Variants in OSBPL10 observed in about 807,000 individuals in gnomAD.
OSBPL10 encodes oxysterol-binding protein-related protein 10.
A neutral mutation model predicts 81.7 loss-of-function variants in OSBPL10; 49 were observed. The observed-to-expected ratio is 0.60, with a 90% CI of 0.48 to 0.76. The LOEUF (loss-of-function observed/expected upper bound fraction) is 0.76. Ranked by LOEUF, OSBPL10 falls within the 30% of genes least tolerant of loss-of-function variation. The pLI is 0.00. For missense variants in OSBPL10, 923 were observed against 987.8 expected (o/e 0.93, Z 0.88); for synonymous variants, 419 against 383.6 (o/e 1.09, Z -1.08).
intron 1 of OSBPL10, among the ~76,000 whole-genome samples, chr3:31,968,791 AG>A (rs1698476687): frequency 6.6e-6 from 1 of 152,198 alleles, no homozygotes; most frequent in Non-Finnish European, 1.5e-5. Flanking sequence ...CAACTATAAT[AG>A]TGTTATGATG....
At chr3:32,033,569 G>A (rs1413905703) in intron 2 of OSBPL10, among the ~76,000 whole-genome samples, 9 of 152,164 alleles carry the variant, frequency 5.9e-5, no homozygotes, top group Non-Finnish European at 1.5e-5. Flanking sequence ...AGCCACAAGT[G>A]ATATCAACTT....
intron 1 of OSBPL10, among the ~76,000 whole-genome samples, chr3:31,936,398 A>C (rs1441608862): frequency 6.6e-6 from 1 of 152,144 alleles, no homozygotes; most frequent in Admixed American, 6.6e-5. Context: ...TAACAAACAG[A>C]CTCTAGTATT....
intron 7 of OSBPL10, 32 bp downstream of exon 7, chr3:31,702,327 T>C: frequency 6.2e-7 from 1 of 1,609,818 alleles, no homozygotes; most frequent in Non-Finnish European, 8.5e-7. Context: ...CCCCAACAAC[T>C]GACCACAAAT....
intron 2 of OSBPL10, among the ~76,000 whole-genome samples, chr3:31,878,132 A>G (rs776960234): frequency 4.6e-5 from 7 of 152,178 alleles, no homozygotes; most frequent in Non-Finnish European, 8.8e-5. Flanking sequence ...CAGATCATAA[A>G]ACCTCTATAT....
intron 5 of OSBPL10, among the ~76,000 whole-genome samples, chr3:31,746,123 C>T (rs1028675902): frequency 6.6e-6 from 1 of 152,324 alleles, no homozygotes; most frequent in African/African-American, 2.4e-5. Flanking sequence ...TTTATATCTG[C>T]TCATTGATTA....
intron 4 of OSBPL10, among the ~76,000 whole-genome samples, chr3:31,815,147 CCCT>C: frequency 9.1e-5 from 2 of 21,980 alleles, no homozygotes; most frequent in South Asian, 6.6e-3. Flanking sequence ...CAGAGAGATG[CCCT>C]GCCAGCCCCT....
rs568650747 is a variant in OSBPL10, at chr3:31,860,097, T to C, written c.537+16336A>G. 1.3e-4 allele frequency among the ~76,000 whole-genome samples: 20 copies of C among 152,266 alleles called. 1 individual carries two copies. In the South Asian group the frequency reaches 4.2e-3, roughly 32 times the overall value. On this transcript the variant is annotated intron_variant, in intron 3 of 11. Coordinates refer to ENST00000396556, the MANE Select transcript of OSBPL10 (RefSeq NM_017784.5). ...GCACATTGGAACCAGCCCTTCCTGC[T>C]CCCTTACATGAAGTCTGAGTCAATG...
Position 31,823,844 on chromosome 3 carries a change from A to ATGTGTGTG in OSBPL10, c.729+6188_729+6195dup, listed in dbSNP as rs10588069. ...TTTTTAATTTAATTTGTATGTGTGTATGTGTGTGTGTGTGTGTGTGTGTGT... is the reference window on the plus strand; with the variant it reads ...TTTTTAATTTAATTTGTATGTGTGTATGTGTGTGTGTGTGTGTGTGTGTGTGTGTGTGT... On this transcript the variant is annotated intron_variant, in intron 4 of 11. Transcript: ENST00000396556. 4.0e-4 allele frequency among the ~76,000 whole-genome samples: 60 copies of ATGTGTGTG among 148,418 alleles called. 2 individuals carry two copies. The highest frequency in any genetic ancestry group is 9.4e-4 in the African/African-American group (38 of 40,306).
At chr3:31,836,331 T>C (rs780230483) in intron 3 of OSBPL10, among the ~76,000 whole-genome samples, 2 of 152,218 alleles carry the variant, frequency 1.3e-5, no homozygotes, top group Non-Finnish European at 2.9e-5. Context: ...AAAATCGTGG[T>C]TCTTCCAGAG....
intron 1 of OSBPL10, among the ~76,000 whole-genome samples, chr3:31,906,363 A>G (rs578097693): frequency 3.9e-5 from 6 of 152,290 alleles, no homozygotes; most frequent in African/African-American, 1.2e-4. Flanking sequence ...TTCCTTTGAC[A>G]TTATATCACT....
chr3:31,914,075 C>T (rs1211669142), intron 1 of OSBPL10, among the ~76,000 whole-genome samples: 7 of 152,140 alleles, frequency 4.6e-5, no homozygotes, highest in Non-Finnish European at 1.0e-4. Context: ...CACCCGCCAC[C>T]ACACCAGGCT....
intron 3 of OSBPL10, among the ~76,000 whole-genome samples, chr3:31,833,705 G>GCACACGCACACA (rs1553631715): frequency 2.2e-5 from 3 of 137,962 alleles, no homozygotes; most frequent in East Asian, 4.4e-4. Flanking sequence ...ACACGCACAC[G>GCACACGCACACA]CACACACACA....
At chr3:32,069,519 C>T (rs1270706518) in intron 1 of OSBPL10, among the ~76,000 whole-genome samples, 1 of 152,236 alleles carries the variant, frequency 6.6e-6, no homozygotes, top group African/African-American at 2.4e-5. Context: ...CAGCCCAGTT[C>T]ATGGCCCGCT....
intron 1 of OSBPL10, among the ~76,000 whole-genome samples, chr3:31,920,707 C>A (rs1016951791): frequency 6.6e-6 from 1 of 152,028 alleles, no homozygotes; most frequent in Non-Finnish European, 1.5e-5. Context: ...GTGCCTGGGT[C>A]GTGGGAGGGA....
chr3:32,028,974 A>ACC, intron 2 of OSBPL10, among the ~76,000 whole-genome samples: 1 of 149,400 alleles, frequency 6.7e-6, no homozygotes, highest in East Asian at 2.0e-4. Flanking sequence ...ACACACACAC[A>ACC]CACACACACA....
At chr3:31,710,708 A>C (rs3749403) in intron 6 of OSBPL10, 12,736 of 152,302 alleles carry the variant, frequency 0.084, 624 homozygotes, top group Non-Finnish European at 0.11. Flanking sequence ...TGACAGGAGC[A>C]GCAGCCATCC....
At chr3:32,038,636 TATAG>T (rs1451701694) in intron 2 of OSBPL10, among the ~76,000 whole-genome samples, 1 of 152,144 alleles carries the variant, frequency 6.6e-6, no homozygotes, top group African/African-American at 2.4e-5. Context: ...AAAGCAAATT[TATAG>T]ATACCGAAAT....
intron 1 of OSBPL10, among the ~76,000 whole-genome samples, chr3:31,965,541 A>ATC (rs1698322459): frequency 2.1e-5 from 1 of 47,444 alleles, no homozygotes; most frequent in East Asian, 1.5e-3. Flanking sequence ...TATATAAATT[A>ATC]TATATTATAT....
At chr3:32,053,713 C>T (rs934874988) in intron 1 of OSBPL10, among the ~76,000 whole-genome samples, 3 of 152,162 alleles carry the variant, frequency 2.0e-5, no homozygotes, top group Non-Finnish European at 4.4e-5. Context: ...GTGGCTCACA[C>T]CTGTAATCCC....
Sources: gnomAD v4.1 joint callset for allele counts (sites outside exome capture counted in the v4.1 genomes callset) on GRCh38, gnomAD v4.1.1 for gene constraint, MANE v1.5 for transcripts, NCBI Gene and HGNC (gene_info 2026-07-23, HGNC 2026-07-21) for gene names.